NHEJ1: variants seen among roughly 807,000 people sequenced by gnomAD.
The protein encoded by NHEJ1 is non-homologous end-joining factor 1.
NHEJ1 carries 22 observed loss-of-function variants against 39.4 expected under a neutral mutation model. The observed-to-expected ratio is 0.56, with a 90% CI of 0.40 to 0.80. NHEJ1 has a LOEUF of 0.80. Ranked by LOEUF, NHEJ1 falls within the 30% of genes least tolerant of loss-of-function variation. The pLI, the probability that NHEJ1 is intolerant of heterozygous loss-of-function variation, is 0.00. For synonymous variants in NHEJ1, 154 were observed against 135.6 expected, an observed-to-expected ratio of 1.14 and a Z score of -0.94; for missense variants, 329 against 357.1, an observed-to-expected ratio of 0.92 and a Z score of 0.63.
intron 5 of NHEJ1, among the ~76,000 whole-genome samples, chr2:219,124,978 G>A (rs934374012): frequency 6.6e-6 from 1 of 152,106 alleles, no homozygotes; most frequent in Admixed American, 6.5e-5. Flanking sequence ...TGTGCTATCT[G>A]CCTTGGTTGA....
At chr2:219,115,770 T>A (rs1949408689) in intron 5 of NHEJ1, among the ~76,000 whole-genome samples, 1 of 152,194 alleles carries the variant, frequency 6.6e-6, no homozygotes, top group Non-Finnish European at 1.5e-5. Flanking sequence ...CCCAGCTCCC[T>A]ACTCGTTTGC....
chr2:219,070,346 C>G lies in NHEJ1; in HGVS notation c.*6035G>C, dbSNP rs957765213. ...AGCTGGGATTACAGGTGTGCGCCAC[C>G]ACATCCAGCTAATTTTTGTATTTTT... On this transcript the variant is annotated 3_prime_UTR_variant, in exon 8 of 8. Transcript: ENST00000356853. Among the ~76,000 whole-genome samples the G allele has an allele frequency of 4.6e-5, 7 of 152,142 alleles. No individual in the cohort carries two copies. The highest frequency in any genetic ancestry group is 8.8e-5 in the Non-Finnish European group (6 of 68,028).
chr2:219,104,761 T>C (rs2106335723), intron 5 of NHEJ1, among the ~76,000 whole-genome samples: 1 of 152,238 alleles, frequency 6.6e-6, no homozygotes, highest in South Asian at 2.1e-4. Context: ...CTTGAAAATG[T>C]TCTCAAGAGG....
At chr2:219,159,540 T>TATGC (rs1949896827) in intron 1 of NHEJ1, among the ~76,000 whole-genome samples, 1 of 33,048 alleles carries the variant, frequency 3.0e-5, no homozygotes, top group African/African-American at 1.3e-4. Context: ...TATATATGCA[T>TATGC]ATATATATAT....
chr2:219,078,665 G>T (rs1949035798), intron 5 of NHEJ1, among the ~76,000 whole-genome samples: 1 of 152,166 alleles, frequency 6.6e-6, no homozygotes, highest in Non-Finnish European at 1.5e-5. Flanking sequence ...AACAATTATG[G>T]AGCTGTGATG....
At chr2:219,097,692 G>A (rs1949222371) in intron 5 of NHEJ1, among the ~76,000 whole-genome samples, 3 of 152,176 alleles carry the variant, frequency 2.0e-5, no homozygotes, top group Non-Finnish European at 4.4e-5. Flanking sequence ...GGGGGTAGGG[G>A]AGAAGAAATG....
chr2:219,149,407 A>G (rs983297677), intron 3 of NHEJ1, among the ~76,000 whole-genome samples: 1 of 152,162 alleles, frequency 6.6e-6, no homozygotes, highest in Non-Finnish European at 1.5e-5. Flanking sequence ...CTTGAGTCCA[A>G]GAGTTCGAGT....
At chr2:219,088,590 C>A (rs1185248023) in intron 5 of NHEJ1, among the ~76,000 whole-genome samples, 1 of 151,916 alleles carries the variant, frequency 6.6e-6, no homozygotes, top group East Asian at 1.9e-4. Flanking sequence ...CAAAAACAAG[C>A]AAAATTAATG....
intron 2 of NHEJ1, among the ~76,000 whole-genome samples, 187 bp downstream of exon 2, chr2:219,157,987 TCTCTCACACACA>T (rs1468971720): frequency 2.9e-5 from 2 of 68,696 alleles, no homozygotes; most frequent in East Asian, 3.9e-4. Flanking sequence ...TCTCTCTCTC[TCTCTCACACACA>T]CACACACACA....
chr2:219,120,109 T>C (rs1379771140), intron 5 of NHEJ1, among the ~76,000 whole-genome samples: 2 of 152,220 alleles, frequency 1.3e-5, no homozygotes, highest in Non-Finnish European at 2.9e-5. Flanking sequence ...GACTTAGATA[T>C]ATTATGCTGC....
chr2:219,160,278 G>C (rs377366808), intron 1 of NHEJ1, among the ~76,000 whole-genome samples: 37 of 152,268 alleles, frequency 2.4e-4, no homozygotes, highest in Middle Eastern at 3.4e-3. Flanking sequence ...AGAGCATCCC[G>C]GCTGGGCCCC....
chr2:219,076,529 C>A, intron 7 of NHEJ1, 74 bp from the exon 8 acceptor site: 1 of 1,272,710 alleles, frequency 7.9e-7, no homozygotes, highest in South Asian at 1.2e-5. Flanking sequence ...AACTTTCTTC[C>A]TCTCATGGCT....
intron 5 of NHEJ1, among the ~76,000 whole-genome samples, chr2:219,133,268 C>T (rs559082930): frequency 5.6e-4 from 86 of 152,322 alleles, no homozygotes; most frequent in Non-Finnish European, 9.7e-4. Flanking sequence ...TATAAGAGAA[C>T]GCTTTGGGTA....
At chr2:219,086,624 A>G (rs952701470) in intron 5 of NHEJ1, among the ~76,000 whole-genome samples, 102 of 152,288 alleles carry the variant, frequency 6.7e-4, no homozygotes, top group African/African-American at 2.1e-3. Context: ...CTGGTATGGG[A>G]AGTCTCTAGA....
intron 2 of NHEJ1, 146 bp downstream of exon 2, chr2:219,158,040 A>C (rs1949874385): frequency 5.5e-6 from 4 of 726,360 alleles, no homozygotes; most frequent in African/African-American, 2.0e-5. Flanking sequence ...CACACACACA[A>C]AGATTCCAGG....
At chr2:219,128,807 C>T (rs1365300099) in intron 5 of NHEJ1, among the ~76,000 whole-genome samples, 3 of 152,212 alleles carry the variant, frequency 2.0e-5, no homozygotes, top group Admixed American at 2.0e-4. Context: ...TTTTCCACCA[C>T]TTCCTCAGTT....
intron 5 of NHEJ1, among the ~76,000 whole-genome samples, chr2:219,106,372 G>A (rs564109415): frequency 1.4e-4 from 21 of 152,290 alleles, no homozygotes; most frequent in Non-Finnish European, 2.4e-4. Context: ...CCTAAGTGAC[G>A]TCTGAGACTA....
chr2:219,085,116 G>C (rs1285093417), intron 5 of NHEJ1, among the ~76,000 whole-genome samples: 2 of 152,172 alleles, frequency 1.3e-5, no homozygotes, highest in Admixed American at 6.5e-5. Context: ...TGCAGATATA[G>C]GCCATAAAAA....
intron 3 of NHEJ1, 91 bp downstream of exon 3, chr2:219,157,381 A>T: frequency 8.8e-7 from 1 of 1,139,440 alleles, no homozygotes; most frequent in Non-Finnish European, 1.3e-6. Context: ...AGAATTTCAA[A>T]CAAGGTTTGC....
Sources: allele counts gnomAD v4.1 joint callset (sites outside exome capture counted in the v4.1 genomes callset), GRCh38; gene constraint gnomAD v4.1.1; transcripts MANE v1.5; gene names NCBI Gene and HGNC (gene_info 2026-07-23, HGNC 2026-07-21).